Variants in CRADD observed in about 807,000 individuals in gnomAD.
CRADD encodes CARD and death domain containing adaptor protein, also known as death domain-containing protein CRADD.
CRADD carries 9 observed loss-of-function variants against 15.5 expected under a neutral mutation model. The ratio of observed to expected loss-of-function variants is 0.58; its 90% confidence interval spans 0.35 to 1.01. The LOEUF is 1.01. Ranked by LOEUF, CRADD falls within the 50% of genes least tolerant of loss-of-function variation. CRADD has a pLI of 0.02. For synonymous variants in CRADD, 118 were observed against 107.6 expected (o/e 1.10, Z -0.60); for missense variants, 227 against 250.3 (o/e 0.91, Z 0.63).
intron 2 of CRADD, among the ~76,000 whole-genome samples, chr12:93,747,316 G>A (rs1956768018): frequency 6.6e-6 from 1 of 152,164 alleles, no homozygotes; most frequent in African/African-American, 2.4e-5. Context: ...GCAGGTACTG[G>A]TGATAGTATT....
intron 2 of CRADD, among the ~76,000 whole-genome samples, chr12:93,725,622 T>C (rs1592932526): frequency 6.6e-6 from 1 of 152,346 alleles, no homozygotes; most frequent in East Asian, 1.9e-4. Context: ...GATTCAGATT[T>C]TGCTGAAGCA....
intron 2 of CRADD, among the ~76,000 whole-genome samples, chr12:93,819,823 A>T (rs943743019): frequency 7.9e-5 from 12 of 152,240 alleles, no homozygotes; most frequent in Middle Eastern, 3.2e-3. Context: ...TTCATATTAG[A>T]GTTAGCCAAC....
chr12:93,840,133 C>T (rs917201154), intron 2 of CRADD, among the ~76,000 whole-genome samples: 1 of 152,146 alleles, frequency 6.6e-6, no homozygotes, highest in African/African-American at 2.4e-5. Flanking sequence ...CTTCTTTCCC[C>T]ATTATGGAAT....
At chr12:93,852,836 A>AGTGT (rs58175344), downstream of CRADD, among the ~76,000 whole-genome samples, 2,705 of 149,566 alleles carry the variant, frequency 0.018, 50 homozygotes, top group African/African-American at 0.047. Flanking sequence ...GTTGGGTTGG[A>AGTGT]GTGTGTGTGT....
At chr12:93,723,303 C>T (rs1025319155) in intron 2 of CRADD, among the ~76,000 whole-genome samples, 2 of 152,168 alleles carry the variant, frequency 1.3e-5, no homozygotes, top group African/African-American at 4.8e-5. Flanking sequence ...CCTAAACTTC[C>T]CAATTGCTCC....
chr12:93,682,553 A>G (rs1955337448), intron 2 of CRADD, among the ~76,000 whole-genome samples: 1 of 151,692 alleles, frequency 6.6e-6, no homozygotes, highest in Non-Finnish European at 1.5e-5. Context: ...TTTCCCCTTT[A>G]TTGGTTTGTT....
chr12:93,678,297 T>G (rs1172684926), intron 1 of CRADD, among the ~76,000 whole-genome samples: 1 of 152,182 alleles, frequency 6.6e-6, no homozygotes, highest in Admixed American at 6.5e-5. Context: ...TGCAAATACT[T>G]GTGATCAAAA....
chr12:93,857,324 T>G (rs1421020559), intron 2 of CRADD, among the ~76,000 whole-genome samples: 2 of 152,210 alleles, frequency 1.3e-5, no homozygotes, highest in Non-Finnish European at 2.9e-5. Context: ...ACGTATAACC[T>G]CCTACTTGTC....
chr12:93,734,912 C>T (rs537435410), intron 2 of CRADD, among the ~76,000 whole-genome samples: 1 of 152,198 alleles, frequency 6.6e-6, no homozygotes, highest in South Asian at 2.1e-4. Flanking sequence ...AGGCCTTCCT[C>T]ATCCCCCTGC....
intron 2 of CRADD, among the ~76,000 whole-genome samples, chr12:93,747,200 T>C (rs1165902553): frequency 6.6e-6 from 1 of 152,138 alleles, no homozygotes; most frequent in Non-Finnish European, 1.5e-5. Flanking sequence ...CAATAAGTCA[T>C]TGCTGTATTG....
intron 2 of CRADD, among the ~76,000 whole-genome samples, chr12:93,754,022 C>T (rs962647402): frequency 6.6e-6 from 1 of 152,268 alleles, no homozygotes; most frequent in African/African-American, 2.4e-5. Flanking sequence ...CTGCAGCATA[C>T]CTCTGCCTGG....
At chr12:93,739,493 TA>T (rs796135681) in intron 2 of CRADD, among the ~76,000 whole-genome samples, 114 of 142,922 alleles carry the variant, frequency 8.0e-4, no homozygotes, top group Admixed American at 9.8e-4. Context: ...GAGGAGTTCC[TA>T]AAAAAAAAAA....
At chr12:93,825,192 T>G (rs1421579931) in intron 2 of CRADD, among the ~76,000 whole-genome samples, 2 of 152,208 alleles carry the variant, frequency 1.3e-5, no homozygotes, top group Non-Finnish European at 2.9e-5. Context: ...ATACTTGAAC[T>G]AGCCCGAAAT....
At chr12:93,737,598 T>G (rs1355127980) in intron 2 of CRADD, 1 of 152,218 alleles carries the variant, frequency 6.6e-6, no homozygotes, top group East Asian at 1.9e-4. Context: ...GCAAATTCAG[T>G]GTCACCTTTT....
At chr12:93,814,106 A>G (rs1048660990) in intron 2 of CRADD, among the ~76,000 whole-genome samples, 11 of 152,226 alleles carry the variant, frequency 7.2e-5, no homozygotes, top group African/African-American at 2.7e-4. Context: ...TTCTGGGACA[A>G]TGCCAGCCAT....
At chr12:93,885,137 A>G (rs1958527313) in intron 2 of CRADD, among the ~76,000 whole-genome samples, 1 of 152,194 alleles carries the variant, frequency 6.6e-6, no homozygotes, top group African/African-American at 2.4e-5. Context: ...GGAAAGGTTA[A>G]CTGAAGTTTG....
intron 2 of CRADD, among the ~76,000 whole-genome samples, chr12:93,710,315 TAAGG>T (rs1274052477): frequency 1.3e-5 from 2 of 151,506 alleles, no homozygotes; most frequent in Non-Finnish European, 2.9e-5. Flanking sequence ...AGTGTGAGAA[TAAGG>T]AAGCTTTTAC....
chr12:93,771,278 A>G (rs557027408), intron 2 of CRADD, among the ~76,000 whole-genome samples: 3 of 152,304 alleles, frequency 2.0e-5, no homozygotes, highest in African/African-American at 7.2e-5. Flanking sequence ...GAGTTCTATC[A>G]TTTTAAACTC....
At chr12:93,756,544 T>G (rs539066700) in intron 2 of CRADD, among the ~76,000 whole-genome samples, 2 of 152,326 alleles carry the variant, frequency 1.3e-5, no homozygotes, top group South Asian at 4.1e-4. Context: ...GCGGAGCTGG[T>G]TTAAGCTGTT....
Sources: allele counts gnomAD v4.1 joint callset (sites outside exome capture counted in the v4.1 genomes callset), GRCh38; gene constraint gnomAD v4.1.1; transcripts MANE v1.5; gene names NCBI Gene and HGNC (gene_info 2026-07-23, HGNC 2026-07-21).